Variants in GRIN3A observed in about 807,000 individuals in gnomAD.
The protein encoded by GRIN3A is glutamate ionotropic receptor NMDA type subunit 3A.
Under a neutral mutation model 92.4 loss-of-function variants are expected in GRIN3A, and 47 were observed. The ratio of observed to expected loss-of-function variants is 0.51; its 90% confidence interval spans 0.40 to 0.65. The LOEUF is 0.65. Among genes scored for constraint, GRIN3A ranks in the 30% least tolerant of loss-of-function variants. The pLI is 0.00. For missense variants in GRIN3A, 1,324 were observed against 1,393.1 expected (o/e 0.95, Z 0.79); for synonymous variants, 527 against 540.6 (o/e 0.97, Z 0.35).
intron 6 of GRIN3A, chr9:101,594,434 T>A: frequency 6.2e-7 from 1 of 1,610,368 alleles, no homozygotes; most frequent in African/African-American, 1.3e-5. Flanking sequence ...CAGCTTCTTG[T>A]GGATCTCCAG....
Position 101,699,874 on chromosome 9 carries a change from C to G in GRIN3A, c.700-12674G>C, listed in dbSNP as rs553066653. On this transcript the variant is annotated intron_variant, in intron 1 of 8. Coordinates refer to ENST00000361820, the MANE Select transcript of GRIN3A (RefSeq NM_133445.3). ...CCCCAAATGCTCCAAGTTCTCTTGC[C>G]TCTACATCCACAGGTAAGTCATTTT... Among the ~76,000 whole-genome samples, 5 of 152,328 alleles carry G rather than the reference C, an allele frequency of 3.3e-5. No individual in the cohort carries two copies. In the South Asian group the frequency reaches 1.0e-3, roughly 32 times the overall value.
Position 101,572,929 on chromosome 9 carries a change from C to G in GRIN3A, c.*245G>C, listed in dbSNP as rs1189822718. The G allele has an allele frequency of 1.9e-6, 1 of 525,882 alleles. No homozygotes were observed. Among genetic ancestry groups the G allele is most frequent in the African/African-American group, 1.9e-5 (1 of 52,372 alleles). The allele number at this position is 525,882 out of a possible 1,614,324, so 32.6% of individuals were successfully genotyped here. ...GGGTTATCTGGTTATTCACAGATCT[C>G]TCGCACAGAGCTTACTCCTGACTAA... is the stretch of plus-strand genomic sequence containing the variant. On this transcript the variant is annotated 3_prime_UTR_variant, in exon 9 of 9. Transcript: ENST00000361820.
intron 6 of GRIN3A, among the ~76,000 whole-genome samples, chr9:101,600,582 G>C (rs1244370485): frequency 6.6e-6 from 1 of 152,170 alleles, no homozygotes; most frequent in African/African-American, 2.4e-5. Context: ...ACAATCTCAA[G>C]AAGCAGAAGA....
rs1362704247 is a variant in GRIN3A at position 101,571,826 on chromosome 9, C to G, written c.*1348G>C. On this transcript the variant is annotated 3_prime_UTR_variant, in exon 9 of 9. Coordinates refer to ENST00000361820, the MANE Select transcript of GRIN3A (RefSeq NM_133445.3). ...CACCTCTAGACCTCCACCCCCAACC[C>G]CATAATCTCTGGAGAAGGGTCTTGG... 3.0e-4 allele frequency: 45 copies of G among 152,230 alleles called. No individual in the cohort carries two copies. Among genetic ancestry groups the G allele is most frequent in the Admixed American group, 2.9e-3 (45 of 15,274 alleles). 9.4% of individuals were successfully genotyped at this position (152,230 alleles called of 1,614,324 possible).
At chr9:101,696,665 A>C (rs1203819272) in intron 1 of GRIN3A, among the ~76,000 whole-genome samples, 1 of 152,174 alleles carries the variant, frequency 6.6e-6, no homozygotes, top group Non-Finnish European at 1.5e-5. Context: ...TTTTCTTATA[A>C]TGGGAACTAT....
At chr9:101,616,390 T>G (rs1828454262) in intron 5 of GRIN3A, among the ~76,000 whole-genome samples, 1 of 152,226 alleles carries the variant, frequency 6.6e-6, no homozygotes. Context: ...CAAACTCTTT[T>G]GTTTTCAGTC....
intron 3 of GRIN3A, among the ~76,000 whole-genome samples, chr9:101,641,521 A>T (rs1357448665): frequency 6.6e-6 from 1 of 152,126 alleles, no homozygotes; most frequent in African/African-American, 2.4e-5. Flanking sequence ...TCAGCAAACT[A>T]TCGCAAGAAC....
chr9:101,635,980 A>G (rs1045664067), intron 3 of GRIN3A, among the ~76,000 whole-genome samples: 4 of 152,120 alleles, frequency 2.6e-5, no homozygotes, highest in African/African-American at 9.7e-5. Flanking sequence ...CGTCTCCTGG[A>G]TTATCATGCC....
chr9:101,590,601 C>T (rs7028084), intron 6 of GRIN3A, among the ~76,000 whole-genome samples: 29,689 of 151,822 alleles, frequency 0.2, 3,001 homozygotes, highest in African/African-American at 0.24. Flanking sequence ...AGGATGGTCT[C>T]GATCTCCTGA....
intron 2 of GRIN3A, among the ~76,000 whole-genome samples, chr9:101,676,873 T>C (rs1020568772): frequency 1.2e-4 from 18 of 151,886 alleles, no homozygotes; most frequent in African/African-American, 4.3e-4. Context: ...CTTTTTTTTT[T>C]TCTGTGAGAA....
intron 6 of GRIN3A, chr9:101,595,043 G>A (rs1019173302): frequency 8.5e-7 from 1 of 1,181,534 alleles, no homozygotes; most frequent in Non-Finnish European, 1.2e-6. Flanking sequence ...GCTCCCGGGG[G>A]CCCTGGTCGA....
intron 6 of GRIN3A, among the ~76,000 whole-genome samples, chr9:101,587,424 A>T (rs923735065): frequency 6.6e-6 from 1 of 152,172 alleles, no homozygotes. Context: ...TTCTTTTGAG[A>T]TAGACTGTAT....
At chr9:101,694,221 A>G (rs1037890751) in intron 1 of GRIN3A, among the ~76,000 whole-genome samples, 2 of 152,210 alleles carry the variant, frequency 1.3e-5, no homozygotes, top group African/African-American at 4.8e-5. Context: ...GGCATGCACA[A>G]CACCACTGTC....
chr9:101,579,218 T>C lies in GRIN3A; in HGVS notation c.2909A>G (p.Gln970Arg), dbSNP rs1827861003. The change falls in exon 7 of 9, where the codon CAA (glutamine) becomes CGA (arginine). Residue 970 changes from glutamine (Q) to arginine (R), a missense_variant. Transcript: ENST00000361820. The stretch of plus-strand genomic sequence containing the variant: ...CACCTGGCTGGTGTGGAGCCAGTAT[T>C]GCAGCTTGGATTTGTTTTTGATTCG... Reference protein sequence around the residue: ...LPRIKNKSKLQYWLHTSQRLH... With the variant: ...LPRIKNKSKLRYWLHTSQRLH... 3 of 1,614,006 alleles carry C rather than the reference T, an allele frequency of 1.9e-6. No homozygotes were observed. The highest frequency in any genetic ancestry group is 2.5e-6 in the Non-Finnish European group (3 of 1,179,914).
chr9:101,594,840 T>G, intron 6 of GRIN3A: 3 of 1,608,538 alleles, frequency 1.9e-6, no homozygotes, highest in South Asian at 2.2e-5. Flanking sequence ...TCCAACTTCT[T>G]AAACCTCCTG....
At chr9:101,730,777 T>C (rs1830128123) in intron 1 of GRIN3A, among the ~76,000 whole-genome samples, 1 of 152,162 alleles carries the variant, frequency 6.6e-6, no homozygotes, top group Non-Finnish European at 1.5e-5. Flanking sequence ...TTCTAAAATA[T>C]GTATTTTCAT....
intron 3 of GRIN3A, among the ~76,000 whole-genome samples, chr9:101,645,057 T>G (rs974140478): frequency 1.3e-5 from 2 of 151,964 alleles, no homozygotes; most frequent in African/African-American, 2.4e-5. Flanking sequence ...TATAAACTAT[T>G]GTTAACTACA....
At chr9:101,645,159 C>G (rs374108513) in intron 3 of GRIN3A, among the ~76,000 whole-genome samples, 1 of 151,882 alleles carries the variant, frequency 6.6e-6, no homozygotes, top group East Asian at 1.9e-4. Context: ...ACCCCTCCCC[C>G]CATGCTTCCT....
At chr9:101,610,376 T>C (rs1051850174) in intron 6 of GRIN3A, among the ~76,000 whole-genome samples, 3 of 152,214 alleles carry the variant, frequency 2.0e-5, no homozygotes, top group Non-Finnish European at 4.4e-5. Flanking sequence ...TGTTTTTGCA[T>C]CTTGTAAACA....
Sources: gnomAD v4.1 joint callset for allele counts (sites outside exome capture counted in the v4.1 genomes callset) on GRCh38, gnomAD v4.1.1 for gene constraint, MANE v1.5 for transcripts, NCBI Gene and HGNC (gene_info 2026-07-23, HGNC 2026-07-21) for gene names.